The following IL34 variants were observed in gnomAD, a reference collection of about 807,000 sequenced individuals.
IL34 encodes interleukin-34.
IL34 carries 17 observed loss-of-function variants against 25.3 expected under a neutral mutation model. The observed-to-expected ratio is 0.67, with a 90% CI of 0.46 to 1.01. The LOEUF (loss-of-function observed/expected upper bound fraction) is 1.01, where lower values mean the gene tolerates loss of function less well. Ranked by LOEUF, IL34 falls within the 50% of genes least tolerant of loss-of-function variation. The pLI is 0.00. For synonymous variants in IL34, 174 were observed against 140.9 expected (o/e 1.23, Z -1.66); for missense variants, 368 against 312.9 (o/e 1.18, Z -1.33).
intron 1 of IL34, among the ~76,000 whole-genome samples, chr16:70,618,270 G>T (rs2051205468): frequency 6.6e-6 from 1 of 151,938 alleles, no homozygotes. Context: ...AGGAAAGAAG[G>T]AAATTTGGGG....
intron 1 of IL34, among the ~76,000 whole-genome samples, chr16:70,580,340 T>TC (rs2050622891): frequency 6.6e-6 from 1 of 152,244 alleles, no homozygotes; most frequent in Non-Finnish European, 1.5e-5. Flanking sequence ...TGTGTGCCCT[T>TC]CAGAGTTTAG....
chr16:70,603,529 C>T (rs907706562), intron 1 of IL34, among the ~76,000 whole-genome samples: 1 of 152,086 alleles, frequency 6.6e-6, no homozygotes, highest in Admixed American at 6.6e-5. Flanking sequence ...CCACCCGCCT[C>T]AGCCTCCCAG....
chr16:70,582,605 C>T (rs2050647723), intron 1 of IL34, among the ~76,000 whole-genome samples: 1 of 152,216 alleles, frequency 6.6e-6, no homozygotes, highest in African/African-American at 2.4e-5. Context: ...AAGCAGTTGG[C>T]CCCAAGGAGC....
intron 1 of IL34, among the ~76,000 whole-genome samples, chr16:70,631,334 T>A (rs954039256): frequency 2.6e-5 from 4 of 152,322 alleles, no homozygotes; most frequent in African/African-American, 9.6e-5. Flanking sequence ...GGTTTGATTC[T>A]CTTCGAGAAA....
In IL34 at chr16:70,649,126, C is replaced by T. The variant is rs117901388; in HGVS notation, c.28+2151C>T. ...CGAGCCCCCAAGGGGGCTTAGCCTG[C>T]GAGGGTTCTTGGCTTTCCCTAGGAG... On this transcript the variant is annotated intron_variant, in intron 1 of 5. Transcript: ENST00000288098. Among the ~76,000 whole-genome samples the T allele has an allele frequency of 9.5e-3, 1,446 of 152,220 alleles. 15 individuals are homozygous for T. Among genetic ancestry groups the T allele is most frequent in the Non-Finnish European group, 0.014 (948 of 68,004 alleles).
intron 1 of IL34, among the ~76,000 whole-genome samples, chr16:70,617,419 A>C (rs1567446154): frequency 6.6e-6 from 1 of 152,210 alleles, no homozygotes; most frequent in Non-Finnish European, 1.5e-5. Context: ...AGAGCAGGGC[A>C]TGTATGAGTA....
chr16:70,650,351 G>C (rs1293307397), intron 1 of IL34, among the ~76,000 whole-genome samples: 1 of 152,234 alleles, frequency 6.6e-6, no homozygotes, highest in Admixed American at 6.5e-5. Context: ...AGGCTGCCCA[G>C]TTGGGGGAGA....
chr16:70,622,146 G>C (rs1023880034), intron 1 of IL34, among the ~76,000 whole-genome samples: 6 of 152,008 alleles, frequency 3.9e-5, no homozygotes, highest in Non-Finnish European at 7.4e-5. Flanking sequence ...CTGTATAGAG[G>C]GGGGAAGGCT....
At chr16:70,594,852 G>T (rs2050797471) in intron 1 of IL34, among the ~76,000 whole-genome samples, 2 of 152,080 alleles carry the variant, frequency 1.3e-5, no homozygotes, top group Non-Finnish European at 2.9e-5. Flanking sequence ...TTGGGAGGCT[G>T]CCAGTCTACT....
rs1480670548 is a variant in IL34 at position 70,660,286 on chromosome 16, T to G, written c.*99T>G. The G allele has an allele frequency of 1.1e-5, 12 of 1,130,674 alleles. No individual in the cohort carries two copies. In the East Asian group the frequency reaches 2.1e-4, roughly 20 times the overall value. The allele number at this position is 1,130,674 out of a possible 1,614,324, so 70.0% of individuals were successfully genotyped here. A position where few individuals can be genotyped will look rare whatever the true frequency, so the allele number is the denominator to read the frequency against. On this transcript the variant is annotated 3_prime_UTR_variant, in exon 6 of 6. Transcript: ENST00000288098. Reference sequence around the variant, plus strand: ...CAAGGGGTGGTGGTGGGAGCCCCCCTTGGGAGAGGACCCCTGGGAAGGGTG... The same window carrying G: ...CAAGGGGTGGTGGTGGGAGCCCCCCGTGGGAGAGGACCCCTGGGAAGGGTG...
intron 1 of IL34, among the ~76,000 whole-genome samples, chr16:70,615,174 A>G (rs1476641610): frequency 1.3e-5 from 2 of 152,200 alleles, no homozygotes; most frequent in Non-Finnish European, 2.9e-5. Flanking sequence ...CAAAAAGTCC[A>G]TCGAATTCTA....
chr16:70,633,133 T>G (rs1295266803), intron 1 of IL34, among the ~76,000 whole-genome samples: 2 of 151,470 alleles, frequency 1.3e-5, no homozygotes, highest in African/African-American at 4.9e-5. Context: ...CCTGGCTAAT[T>G]TTTGTATTTT....
chr16:70,591,936 TG>T (rs1007566811), intron 1 of IL34, among the ~76,000 whole-genome samples: 4 of 150,674 alleles, frequency 2.7e-5, no homozygotes, highest in Non-Finnish European at 5.9e-5. Flanking sequence ...AGGAGCAAAG[TG>T]CATTTGATCT....
intron 1 of IL34, among the ~76,000 whole-genome samples, chr16:70,613,941 G>T (rs1325199135): frequency 6.6e-6 from 1 of 151,458 alleles, no homozygotes; most frequent in Non-Finnish European, 1.5e-5. Context: ...TAATCCCAGT[G>T]CTCTGGGAGG....
intron 1 of IL34, among the ~76,000 whole-genome samples, chr16:70,625,287 T>A (rs930179281): frequency 7.0e-6 from 1 of 141,976 alleles, no homozygotes; most frequent in African/African-American, 2.7e-5. Flanking sequence ...CATAGAGATA[T>A]GGAGGGAAGG....
chr16:70,580,894 G>A (rs1395583805), intron 1 of IL34, among the ~76,000 whole-genome samples: 2 of 151,888 alleles, frequency 1.3e-5, no homozygotes, highest in Non-Finnish European at 2.9e-5. Context: ...TTAAAATGAA[G>A]TGTTCTGCTT....
Position 70,646,748 on chromosome 16 carries a change from C to T in IL34, c.-200C>T, listed in dbSNP as rs1164971947. ...GCCACCGCCCCCCGGCTGTCCTCCA[C>T]GCTGCCGGGCAGATAAGGGCAGCTG... On this transcript the variant is annotated 5_prime_UTR_variant, in exon 1 of 6. In the 5' UTR this introduces an upstream ATG that the reference lacks. Coordinates refer to ENST00000288098, the MANE Select transcript of IL34 (RefSeq NM_001393494.1). 2 of 511,084 alleles carry T rather than the reference C, an allele frequency of 3.9e-6. No individual in the cohort carries two copies. Among genetic ancestry groups the T allele is most frequent in the Admixed American group, 4.3e-5 (1 of 23,144 alleles). 31.7% of individuals were successfully genotyped at this position (511,084 alleles called of 1,614,324 possible).
intron 1 of IL34, among the ~76,000 whole-genome samples, chr16:70,627,465 C>G (rs1180593871): frequency 6.8e-6 from 1 of 147,430 alleles, no homozygotes; most frequent in Non-Finnish European, 1.5e-5. Flanking sequence ...CCTCCTCCCC[C>G]TTCCCTCCCC....
chr16:70,601,053 G>T (rs1053837355), intron 1 of IL34, among the ~76,000 whole-genome samples: 1 of 151,916 alleles, frequency 6.6e-6, no homozygotes, highest in African/African-American at 2.4e-5. Context: ...AGTAGGGGAT[G>T]CTGGGAGAAG....
Sources: gnomAD v4.1 joint callset for allele counts (sites outside exome capture counted in the v4.1 genomes callset) on GRCh38, gnomAD v4.1.1 for gene constraint, MANE v1.5 for transcripts, NCBI Gene and HGNC (gene_info 2026-07-23, HGNC 2026-07-21) for gene names.